The following A2M variants were observed in gnomAD, a reference collection of about 807,000 sequenced individuals.
The protein encoded by A2M is alpha-2-macroglobulin.
A neutral mutation model predicts 183.9 loss-of-function variants in A2M; 128 were observed. The ratio of observed to expected loss-of-function variants is 0.70; its 90% CI spans 0.60 to 0.81. The LOEUF (loss-of-function observed/expected upper bound fraction) is 0.81. Ranked by LOEUF, A2M falls within the 30% of genes least tolerant of loss-of-function variation. A2M has a pLI of 0.00. For missense variants in A2M, 1,495 were observed against 1,787.6 expected (o/e 0.84, Z 2.95); for synonymous variants, 592 against 670.8 (o/e 0.88, Z 1.81).
intron 17 of A2M, among the ~76,000 whole-genome samples, chr12:9,094,223 CT>C (rs1949298943): frequency 6.6e-6 from 1 of 151,592 alleles, no homozygotes; most frequent in South Asian, 2.1e-4. Flanking sequence ...ATAATAAAGA[CT>C]TTTTATTCTC....
chr12:9,107,445 G>T, intron 8 of A2M, 79 bp downstream of exon 8: 1 of 1,537,586 alleles, frequency 6.5e-7, no homozygotes, highest in Non-Finnish European at 8.9e-7. Flanking sequence ...CTCTTCCTGC[G>T]TCAGAAAAAT....
intron 11 of A2M, 87 bp downstream of exon 11, chr12:9,104,152 A>T: frequency 7.4e-7 from 1 of 1,354,590 alleles, no homozygotes; most frequent in Non-Finnish European, 1.0e-6. Context: ...ATAGAACTAG[A>T]CACAGTTTGG....
chr12:9,072,044 A>T (rs74061424), intron 31 of A2M, among the ~76,000 whole-genome samples: 3,057 of 152,264 alleles, frequency 0.02, 97 homozygotes, highest in African/African-American at 0.068. Context: ...CTTCATCTCT[A>T]TCTTCAATAA....
intron 1 of A2M, 75 bp downstream of exon 1, chr12:9,115,689 G>A (rs1053716530): frequency 9.0e-7 from 1 of 1,112,748 alleles, no homozygotes; most frequent in Admixed American, 1.8e-5. Context: ...AAAGAAAAAG[G>A]AATGATATAA....
At chr12:9,112,742 G>A (rs919800745) in intron 2 of A2M, 1 of 562,032 alleles carries the variant, frequency 1.8e-6, no homozygotes, top group African/African-American at 1.9e-5. Context: ...AAATAAATCA[G>A]TAAGAGAGGT....
At chr12:9,084,448 T>G (rs1948996780) in intron 22 of A2M, among the ~76,000 whole-genome samples, 1 of 152,130 alleles carries the variant, frequency 6.6e-6, no homozygotes, top group African/African-American at 2.4e-5. Flanking sequence ...AAAATGTGTG[T>G]GGGGGAGTGA....
chr12:9,093,550 G>T lies in A2M; in HGVS notation c.2155C>A (p.Arg719Ser), dbSNP rs759105548. Residue 719 changes from arginine to serine, a missense_variant, in exon 18 of 36, where the codon CGC becomes AGC. Physicochemically the swap from Arg to Ser is moderately radical, Grantham distance 110. Transcript: ENST00000318602. ...TGAGGCTCTTCAACATGCACCAGGC[G>T]TGCATGGCCTCTTCCCATTACATCT... Reference protein sequence around the residue: ...ESDVMGRGHARLVHVEEPHTE... With the variant: ...ESDVMGRGHASLVHVEEPHTE... The T allele has an allele frequency of 2.5e-6, 4 of 1,609,360 alleles. No individual in the cohort carries two copies. The Admixed American group carries it at 6.7e-5, about 27-fold the overall frequency.
chr12:9,110,251 A>G, intron 5 of A2M, 63 bp downstream of exon 5: 1 of 1,327,094 alleles, frequency 7.5e-7, no homozygotes, highest in Middle Eastern at 1.8e-4. Context: ...AACCTCTGAA[A>G]TAAGAACATT....
At position 9,079,717 on chromosome 12, in the gene A2M, A is replaced by C. The variant is rs1948851574; in HGVS notation, c.2953T>G (p.Tyr985Asp). 6.2e-7 allele frequency: 1 copy of C among 1,613,686 alleles called. No homozygotes were observed. Among genetic ancestry groups the C allele is most frequent in the Non-Finnish European group, 8.5e-7 (1 of 1,179,744 alleles). The change falls in exon 24 of 36, where the codon TAT becomes GAT. Residue 985 changes from tyrosine to aspartate, a missense_variant. Coordinates refer to ENST00000318602, the MANE Select transcript of A2M (RefSeq NM_000014.6). ...QNMVLFAPNI[Y>D]VLDYLNETQQ... ...GTTTCATTTAGATAATCCAGTACAT[A>C]GATGTTAGGAGCAAAGAGGACCATA... is the stretch of plus-strand genomic sequence containing the variant.
intron 34 of A2M, 75 bp downstream of exon 34, chr12:9,068,665 C>T (rs958895837): frequency 2.0e-5 from 24 of 1,185,064 alleles, no homozygotes; most frequent in Non-Finnish European, 2.8e-5. Flanking sequence ...AATAAATAAC[C>T]CCAACACATC....
intron 25 of A2M, among the ~76,000 whole-genome samples, chr12:9,078,174 G>A (rs757856949): frequency 2.4e-4 from 36 of 152,100 alleles, no homozygotes; most frequent in African/African-American, 6.7e-4. Flanking sequence ...TGACCCATCC[G>A]CTTAGTTCCC....
At chr12:9,090,576 C>T in intron 19 of A2M, 94 bp from the exon 20 acceptor site, 2 of 1,344,048 alleles carry the variant, frequency 1.5e-6, no homozygotes, top group African/African-American at 1.5e-5. Context: ...GGTTAGATTT[C>T]AGGTTGCCTC....
At chr12:9,074,167 A>G (rs1948666394) in intron 29 of A2M, among the ~76,000 whole-genome samples, 1 of 151,968 alleles carries the variant, frequency 6.6e-6, no homozygotes, top group Admixed American at 6.6e-5. Flanking sequence ...AGGGGACCTA[A>G]GAATGGAGAG....
In A2M at chr12:9,109,937, G is replaced by A. The variant is rs1313398194; in HGVS notation, c.603C>T (p.Gly201=). The part of the protein sequence containing the change: ...SFPLSSEPFQ[G]SYKVVVQKKS... ...TCTTCTGTACCACCACCTTGTAGGA[G>A]CCCTGGAAGGGCTCTGATGAGAGGG... The change falls in exon 6 of 36, where the codon GGC becomes GGT. Residue 201 remains glycine, a synonymous_variant. Coordinates refer to ENST00000318602, the MANE Select transcript of A2M (RefSeq NM_000014.6). 1.2e-6 allele frequency: 2 copies of A among 1,614,006 alleles called. No homozygotes were observed. The highest frequency in any genetic ancestry group is 1.1e-5 in the South Asian group (1 of 91,052).
intron 22 of A2M, among the ~76,000 whole-genome samples, chr12:9,083,228 C>T (rs1004077541): frequency 1.3e-5 from 2 of 151,476 alleles, no homozygotes; most frequent in Non-Finnish European, 2.9e-5. Context: ...CATCACACAC[C>T]GGGGCCTGTT....
intron 4 of A2M, among the ~76,000 whole-genome samples, chr12:9,110,743 GT>G (rs747784518): frequency 5.9e-5 from 9 of 152,090 alleles, no homozygotes; most frequent in African/African-American, 2.2e-4. Flanking sequence ...ATCTAAATTA[GT>G]TTCATATAGA....
Position 9,077,844 on chromosome 12 carries a change from C to CA in A2M, c.3132dup (p.Val1045CysfsTer16), listed in dbSNP as rs1948793144. ...CGAGCTTGGGCAAAAGTCTTCAGAA[C>CA]AAAGGCTGTGAGCCTGACCAGGGAG... On this transcript the variant is annotated frameshift_variant, in exon 26 of 36. Transcript: ENST00000318602. LOFTEE classifies it high-confidence loss of function. 1.9e-6 allele frequency: 3 copies of CA among 1,614,008 alleles called. No homozygotes were observed. In the South Asian group the frequency reaches 3.3e-5, roughly 18 times the overall value.
intron 22 of A2M, among the ~76,000 whole-genome samples, chr12:9,084,274 T>C (rs1286343076): frequency 6.6e-6 from 1 of 152,172 alleles, no homozygotes; most frequent in Non-Finnish European, 1.5e-5. Context: ...ATAAGTAATA[T>C]AGAGCCATAT....
chr12:9,069,829 A>G lies in A2M; in HGVS notation c.4195-16T>C, dbSNP rs745649721. The stretch of plus-strand genomic sequence containing the variant: ...ATCTTTCAAGCTGAAGAAAATTGAA[A>G]TACCACAAATGTTAATAAATAGATG... On this transcript the variant is annotated splice_polypyrimidine_tract_variant and intron_variant, in intron 32 of 35. Coordinates refer to ENST00000318602, the MANE Select transcript of A2M (RefSeq NM_000014.6). 3 of 1,612,476 alleles carry G rather than the reference A, an allele frequency of 1.9e-6. No individual in the cohort carries two copies. The highest frequency in any genetic ancestry group is 2.7e-5 in the African/African-American group (2 of 75,012).
Sources: gnomAD v4.1 joint callset for allele counts (sites outside exome capture counted in the v4.1 genomes callset) on GRCh38, gnomAD v4.1.1 for gene constraint, MANE v1.5 for transcripts, NCBI Gene and HGNC (gene_info 2026-07-23, HGNC 2026-07-21) for gene names.